Variants in SV2C observed in about 807,000 individuals in gnomAD.
SV2C encodes the protein synaptic vesicle glycoprotein 2C, also known as solute carrier family 22 member B3.
Under a neutral mutation model 79.7 loss-of-function variants are expected in SV2C, and 49 were observed. That is an observed-to-expected ratio of 0.61 (90% CI 0.49 to 0.78). The LOEUF is 0.78. Among genes scored for constraint, SV2C ranks in the 30% least tolerant of loss-of-function variants. The probability of loss-of-function intolerance (pLI) is 0.00; values close to 1 mark genes in which losing one functional copy is unlikely to be tolerated. For missense variants in SV2C, 833 were observed against 912.9 expected, an observed-to-expected ratio of 0.91 and a Z score of 1.13; for synonymous variants, 334 against 333.2, an observed-to-expected ratio of 1.00 and a Z score of -0.03.
At chr5:76,046,531 A>C in the SV2C span, among the ~76,000 whole-genome samples, 2 of 152,360 alleles carry the variant, frequency 1.3e-5, no homozygotes, top group South Asian at 4.1e-4. Context: ...TAAAGGTCTT[A>C]CTATCTCAAA....
chr5:76,248,894 C>A (rs1746028218), intron 4 of SV2C, among the ~76,000 whole-genome samples: 2 of 152,152 alleles, frequency 1.3e-5, no homozygotes, highest in Admixed American at 1.3e-4. Flanking sequence ...GCTGGAATTA[C>A]ACATGTGAGC....
the SV2C span, among the ~76,000 whole-genome samples, chr5:75,929,737 C>T: frequency 6.6e-6 from 1 of 152,082 alleles, no homozygotes; most frequent in Non-Finnish European, 1.5e-5. Context: ...TGCCAGCTAC[C>T]ATCTTAATCA....
intron 4 of SV2C, among the ~76,000 whole-genome samples, chr5:76,236,724 C>T (rs1386186695): frequency 1.3e-5 from 2 of 152,140 alleles, no homozygotes; most frequent in African/African-American, 4.8e-5. Flanking sequence ...GATCTACCTC[C>T]ATGACCCAAA....
At chr5:76,059,772 C>A in the SV2C span, among the ~76,000 whole-genome samples, 1 of 152,198 alleles carries the variant, frequency 6.6e-6, no homozygotes, top group East Asian at 1.9e-4. Context: ...GTGAAAAATT[C>A]TTTCCACAAG....
At chr5:76,007,043 A>G in the SV2C span, among the ~76,000 whole-genome samples, 28 of 152,274 alleles carry the variant, frequency 1.8e-4, no homozygotes, top group African/African-American at 6.7e-4. Context: ...CATTTCACAC[A>G]TGAGAAAATA....
the SV2C span, among the ~76,000 whole-genome samples, chr5:75,893,293 T>G: frequency 6.6e-6 from 1 of 152,110 alleles, no homozygotes; most frequent in Non-Finnish European, 1.5e-5. Context: ...CTTGTTGATT[T>G]TTTTAAGATC....
intron 4 of SV2C, among the ~76,000 whole-genome samples, chr5:76,282,903 T>A (rs911086160): frequency 1.3e-5 from 2 of 151,936 alleles, no homozygotes; most frequent in Non-Finnish European, 2.9e-5. Flanking sequence ...ACCCAGCTAC[T>A]CAGGAGGCTA....
the SV2C span, among the ~76,000 whole-genome samples, chr5:75,879,770 G>A: frequency 4.6e-5 from 7 of 152,210 alleles, no homozygotes; most frequent in Admixed American, 1.3e-4. Flanking sequence ...TGGGGACTCT[G>A]TGTAGTGACT....
At chr5:76,113,917 A>G (rs1748173692) in intron 1 of SV2C, among the ~76,000 whole-genome samples, 1 of 151,080 alleles carries the variant, frequency 6.6e-6, no homozygotes, top group Non-Finnish European at 1.5e-5. Flanking sequence ...CCTCCCCACA[A>G]TCATACACAC....
the SV2C span, among the ~76,000 whole-genome samples, chr5:75,854,401 T>A: frequency 6.6e-6 from 1 of 152,268 alleles, no homozygotes; most frequent in Non-Finnish European, 1.5e-5. Flanking sequence ...AATGTCTGAG[T>A]TGTATGGTAA....
the SV2C span, among the ~76,000 whole-genome samples, chr5:76,030,281 T>TTTTTTTTTTTTTTTG: frequency 8.8e-6 from 1 of 113,370 alleles, no homozygotes; most frequent in African/African-American, 4.3e-5. Flanking sequence ...TTTTTTTTTT[T>TTTTTTTTTTTTTTTG]TTTTTTTTTT....
At chr5:75,956,801 A>G in the SV2C span, among the ~76,000 whole-genome samples, 2 of 151,978 alleles carry the variant, frequency 1.3e-5, no homozygotes, top group Admixed American at 1.3e-4. Flanking sequence ...CTGGGCTTTC[A>G]GAACTAGCCC....
At chr5:76,195,823 C>G (rs373634018) in intron 3 of SV2C, among the ~76,000 whole-genome samples, 1 of 152,004 alleles carries the variant, frequency 6.6e-6, no homozygotes, top group East Asian at 1.9e-4. Flanking sequence ...AGGCTTAATG[C>G]CTGGGTGACA....
the SV2C span, among the ~76,000 whole-genome samples, chr5:75,866,551 G>T: frequency 8.4e-3 from 1,284 of 152,282 alleles, 24 homozygotes; most frequent in African/African-American, 0.029. Context: ...GGTCTACCCT[G>T]CCAACTTTCT....
At chr5:75,921,281 TC>T in the SV2C span, 5 of 1,482,948 alleles carry the variant, frequency 3.4e-6, no homozygotes, top group East Asian at 9.1e-5. Context: ...GTCCTTGCCA[TC>T]CCACTTGTCA....
chr5:76,117,333 A>G (rs1367210826), intron 1 of SV2C, among the ~76,000 whole-genome samples: 1 of 152,254 alleles, frequency 6.6e-6, no homozygotes, highest in Non-Finnish European at 1.5e-5. Context: ...AGAAGAAAAC[A>G]TCTAAACTTC....
chr5:75,965,908 A>G, the SV2C span, among the ~76,000 whole-genome samples: 4,364 of 152,314 alleles, frequency 0.029, 180 homozygotes, highest in African/African-American at 0.092. Flanking sequence ...ATAAGGAAAG[A>G]CAAAAAGATT....
At position 76,252,387 on chromosome 5, in the gene SV2C, G is replaced by A. The variant is rs567839824; in HGVS notation, c.914-32775G>A. On this transcript the variant is annotated intron_variant, in intron 4 of 12. Coordinates refer to ENST00000502798, the MANE Select transcript of SV2C (RefSeq NM_014979.4). ...CCTACCCGCCTTGGCCTCCCAAAGT[G>A]CTGGGATTACAGGCGTGAACCACCG... is the stretch of plus-strand genomic sequence containing the variant. Among the ~76,000 whole-genome samples the A allele has an allele frequency of 6.6e-5, 10 of 152,340 alleles. No individual in the cohort carries two copies. In the East Asian group the frequency reaches 1.7e-3, roughly 26 times the overall value.
chr5:76,255,035 A>C (rs1746225669), intron 4 of SV2C, among the ~76,000 whole-genome samples: 1 of 152,088 alleles, frequency 6.6e-6, no homozygotes. Context: ...GTCAGGAAAT[A>C]CTCTGTTAAC....
Sources: allele counts gnomAD v4.1 joint callset (sites outside exome capture counted in the v4.1 genomes callset), GRCh38; gene constraint gnomAD v4.1.1; transcripts MANE v1.5; gene names NCBI Gene and HGNC (gene_info 2026-07-23, HGNC 2026-07-21).